SPTLC3: variants seen among roughly 807,000 people sequenced by gnomAD.
SPTLC3 encodes serine palmitoyltransferase long chain base subunit 3.
In SPTLC3, 36 loss-of-function variants were observed where a neutral mutation model predicts 59.3. The ratio of observed to expected loss-of-function variants is 0.61; its 90% confidence interval spans 0.47 to 0.80. The LOEUF (loss-of-function observed/expected upper bound fraction) is 0.80. Ranked by LOEUF, SPTLC3 falls within the 30% of genes least tolerant of loss-of-function variation. The pLI, the probability that SPTLC3 is intolerant of heterozygous loss-of-function variation, is 0.00. For missense variants in SPTLC3, 625 were observed against 685.1 expected (o/e 0.91, Z 0.98); for synonymous variants, 257 against 240.8 (o/e 1.07, Z -0.62).
At chr20:13,107,384 G>T (rs192656005) in intron 6 of SPTLC3, among the ~76,000 whole-genome samples, 1 of 152,144 alleles carries the variant, frequency 6.6e-6, no homozygotes, top group African/African-American at 2.4e-5. Context: ...GTGGGAAAAG[G>T]AATAAGAAAA....
At chr20:13,031,470 T>C (rs1986444544) in intron 1 of SPTLC3, among the ~76,000 whole-genome samples, 1 of 152,208 alleles carries the variant, frequency 6.6e-6, no homozygotes, top group Admixed American at 6.5e-5. Flanking sequence ...GTGCTCAATA[T>C]ATAATTTTGG....
At chr20:13,032,203 C>G (rs78365227) in intron 1 of SPTLC3, among the ~76,000 whole-genome samples, 185 of 152,266 alleles carry the variant, frequency 1.2e-3, no homozygotes, top group Non-Finnish European at 2.1e-3. Context: ...CTCAAGTGAG[C>G]CAGCCAGTTA....
intron 8 of SPTLC3, among the ~76,000 whole-genome samples, chr20:13,123,968 C>T (rs2037928170): frequency 6.6e-6 from 1 of 152,174 alleles, no homozygotes; most frequent in South Asian, 2.1e-4. Flanking sequence ...CTGTGAAGGA[C>T]AGCCCTGGCT....
intron 9 of SPTLC3, among the ~76,000 whole-genome samples, chr20:13,138,310 T>A (rs1352702460): frequency 6.6e-6 from 1 of 152,130 alleles, no homozygotes; most frequent in Non-Finnish European, 1.5e-5. Context: ...GCAGGCAGCT[T>A]TTCCTCTATC....
intron 2 of SPTLC3, among the ~76,000 whole-genome samples, chr20:13,070,652 C>T (rs1431038647): frequency 6.6e-6 from 1 of 152,146 alleles, no homozygotes; most frequent in Non-Finnish European, 1.5e-5. Context: ...AAAGGATGAG[C>T]TCTTCCTGCA....
Position 13,064,266 on chromosome 20 carries a change from CTTTTCTT to C in SPTLC3, c.304-7985_304-7979del, listed in dbSNP as rs1418656120. Among the ~76,000 whole-genome samples the C allele has an allele frequency of 3.7e-4, 11 of 29,472 alleles. No homozygotes were observed. The East Asian group carries it at 4.3e-3, about 12-fold the overall frequency. The allele number at this position is 29,472 out of a possible 152,430, so 19.3% of individuals were successfully genotyped here. On this transcript the variant is annotated intron_variant, in intron 2 of 11. Coordinates refer to ENST00000399002, the MANE Select transcript of SPTLC3 (RefSeq NM_018327.4). ...TAAATAGTTCTTTTTTTTCTTTTTCCTTTTCTTTTTTTTTTTTGTTTTGTTTTTGTTT... is the reference window on the plus strand; with the variant it reads ...TAAATAGTTCTTTTTTTTCTTTTTCCTTTTTTTTTTGTTTTGTTTTTGTTT...
At chr20:13,120,435 A>T (rs1405213167) in intron 8 of SPTLC3, among the ~76,000 whole-genome samples, 5 of 152,198 alleles carry the variant, frequency 3.3e-5, no homozygotes, top group Admixed American at 2.6e-4. Flanking sequence ...CACTGTTCTC[A>T]TAGGGTTCTC....
In SPTLC3 at chr20:13,012,457, G is replaced by A. The variant is rs146059911; in HGVS notation, c.117+3073G>A. ...AAGAAGTTTACAATTTATCTGTTAG[G>A]AGAAAGCTTATATCAACATTAAAAT... is the stretch of plus-strand genomic sequence containing the variant. On this transcript the variant is annotated intron_variant, in intron 1 of 11. Coordinates refer to ENST00000399002, the MANE Select transcript of SPTLC3 (RefSeq NM_018327.4). 2.0e-3 allele frequency among the ~76,000 whole-genome samples: 310 copies of A among 152,216 alleles called. 1 individual carries two copies. The highest frequency in any genetic ancestry group is 3.4e-3 in the Middle Eastern group (1 of 294).
intron 9 of SPTLC3, among the ~76,000 whole-genome samples, chr20:13,152,524 A>G (rs1600394211): frequency 1.3e-5 from 2 of 152,180 alleles, no homozygotes. Flanking sequence ...AGTGGCTTCT[A>G]TGTGAGTCAA....
intron 6 of SPTLC3, among the ~76,000 whole-genome samples, chr20:13,098,386 A>G (rs753777537): frequency 1.3e-5 from 2 of 152,204 alleles, no homozygotes; most frequent in Non-Finnish European, 2.9e-5. Context: ...GATTAAGCAA[A>G]TGGGATAAAG....
At chr20:13,105,187 T>G (rs1210130162) in intron 6 of SPTLC3, among the ~76,000 whole-genome samples, 1 of 152,054 alleles carries the variant, frequency 6.6e-6, no homozygotes, top group Non-Finnish European at 1.5e-5. Context: ...GGGGCCAGAA[T>G]CCAGGCCGAG....
intron 6 of SPTLC3, among the ~76,000 whole-genome samples, chr20:13,094,648 T>A (rs1350188159): frequency 6.6e-6 from 1 of 152,152 alleles, no homozygotes; most frequent in Non-Finnish European, 1.5e-5. Flanking sequence ...AAAGAACAAT[T>A]GTCCCATGGG....
intron 1 of SPTLC3, among the ~76,000 whole-genome samples, chr20:13,017,950 A>G (rs781112601): frequency 2.6e-5 from 4 of 152,174 alleles, no homozygotes; most frequent in Non-Finnish European, 5.9e-5. Flanking sequence ...TCCAGCCACC[A>G]TGCTTTAAGG....
intron 1 of SPTLC3, among the ~76,000 whole-genome samples, chr20:13,036,476 T>C (rs1986739867): frequency 6.6e-6 from 1 of 152,180 alleles, no homozygotes; most frequent in South Asian, 2.1e-4. Context: ...ATTTTCTTAA[T>C]AACATATTTT....
At chr20:13,054,730 G>A (rs751310718) in intron 2 of SPTLC3, among the ~76,000 whole-genome samples, 1 of 152,140 alleles carries the variant, frequency 6.6e-6, no homozygotes, top group Non-Finnish European at 1.5e-5. Context: ...TGAAGAACTG[G>A]CAGCTAAACT....
At position 13,114,421 on chromosome 20, in the gene SPTLC3, G is replaced by A. The variant is rs566835845; in HGVS notation, c.933-3085G>A. On this transcript the variant is annotated intron_variant, in intron 7 of 11. Transcript: ENST00000399002. ...TTCAAAAATATCCTTGAGGTGTGGTGTCCCAAATAACCTGGGACATAAACT... is the reference window on the plus strand; with the variant it reads ...TTCAAAAATATCCTTGAGGTGTGGTATCCCAAATAACCTGGGACATAAACT... Among the ~76,000 whole-genome samples the A allele has an allele frequency of 4.5e-4, 68 of 152,304 alleles. 1 individual carries two copies. The highest frequency in any genetic ancestry group is 9.6e-4 in the Non-Finnish European group (65 of 68,022).
At chr20:13,014,533 G>T (rs994499451) in intron 1 of SPTLC3, among the ~76,000 whole-genome samples, 2 of 152,160 alleles carry the variant, frequency 1.3e-5, no homozygotes, top group South Asian at 4.1e-4. Context: ...AAAGAACCAG[G>T]TGGGAAAAGA....
intron 9 of SPTLC3, among the ~76,000 whole-genome samples, chr20:13,150,103 T>C (rs1175208558): frequency 1.3e-5 from 2 of 152,210 alleles, no homozygotes; most frequent in Admixed American, 6.5e-5. Context: ...TTGATTTCCA[T>C]CACCTTTAAA....
At chr20:13,134,180 T>C (rs974451228) in intron 9 of SPTLC3, among the ~76,000 whole-genome samples, 2 of 152,150 alleles carry the variant, frequency 1.3e-5, no homozygotes, top group African/African-American at 4.8e-5. Context: ...ATACATACTT[T>C]CCAGTTGAAT....
Sources: allele counts gnomAD v4.1 joint callset (sites outside exome capture counted in the v4.1 genomes callset), GRCh38; gene constraint gnomAD v4.1.1; transcripts MANE v1.5; gene names NCBI Gene and HGNC (gene_info 2026-07-23, HGNC 2026-07-21).